Variants in TAOK3 observed in about 807,000 individuals in gnomAD.
TAOK3 encodes the protein TAO kinase 3.
In TAOK3, 40 loss-of-function variants were observed where a neutral mutation model predicts 120.4. That is an observed-to-expected ratio of 0.33 (90% CI 0.26 to 0.43). TAOK3 has a LOEUF of 0.43. TAOK3 is among the 20% of genes least tolerant of loss of function. The pLI is 1.00. For missense variants in TAOK3, 821 were observed against 1,112.1 expected, an observed-to-expected ratio of 0.74 and a Z score of 3.72; for synonymous variants, 355 against 387.5, an observed-to-expected ratio of 0.92 and a Z score of 0.99.
At chr12:118,305,771 G>C (rs745797087) in intron 1 of TAOK3, among the ~76,000 whole-genome samples, 1 of 151,798 alleles carries the variant, frequency 6.6e-6, no homozygotes, top group Non-Finnish European at 1.5e-5. Context: ...GGGTGTGGTG[G>C]CGGGTGCCTG....
chr12:118,319,562 A>T (rs1011120023), intron 1 of TAOK3, among the ~76,000 whole-genome samples: 18 of 152,314 alleles, frequency 1.2e-4, no homozygotes, highest in African/African-American at 3.8e-4. Flanking sequence ...CATTTACTCA[A>T]AGAAGATGTA....
At chr12:118,317,319 TA>T (rs2043510124) in intron 1 of TAOK3, among the ~76,000 whole-genome samples, 1 of 149,142 alleles carries the variant, frequency 6.7e-6, no homozygotes, top group Non-Finnish European at 1.5e-5. Flanking sequence ...TTTTTTTTTT[TA>T]GACAGTCTTG....
Position 118,337,811 on chromosome 12 carries a change from A to T in TAOK3, c.-194+34837T>A, listed in dbSNP as rs142531376. 2.0e-5 allele frequency among the ~76,000 whole-genome samples: 3 copies of T among 152,372 alleles called. No individual in the cohort carries two copies. In the East Asian group the frequency reaches 5.8e-4, roughly 29 times the overall value. On this transcript the variant is annotated intron_variant, in intron 1 of 20. Transcript: ENST00000392533. The stretch of plus-strand genomic sequence containing the variant: ...GTAGCTGTGATAATGTAGCCTCATG[A>T]TAACACTTCTTCAATCTTGACCATT...
chr12:118,292,360 T>C (rs1261635317), intron 1 of TAOK3, among the ~76,000 whole-genome samples: 1 of 152,218 alleles, frequency 6.6e-6, no homozygotes, highest in Non-Finnish European at 1.5e-5. Flanking sequence ...TCCATAAGCC[T>C]TTATCTTAGA....
chr12:118,278,064 C>A (rs1268547523), intron 1 of TAOK3, among the ~76,000 whole-genome samples: 2 of 152,042 alleles, frequency 1.3e-5, no homozygotes, highest in East Asian at 1.9e-4. Flanking sequence ...GCAAGTCAAA[C>A]CTGCCCCCAC....
intron 1 of TAOK3, among the ~76,000 whole-genome samples, chr12:118,267,019 T>C (rs976254474): frequency 8.5e-5 from 13 of 152,218 alleles, no homozygotes; most frequent in Non-Finnish European, 1.6e-4. Flanking sequence ...TTTGTTTGTG[T>C]CCAGGTAACT....
intron 1 of TAOK3, among the ~76,000 whole-genome samples, chr12:118,335,388 C>T (rs574476706): frequency 6.6e-6 from 1 of 151,938 alleles, no homozygotes; most frequent in East Asian, 1.9e-4. Context: ...AGAAATTGAC[C>T]GATTTCTCAA....
chr12:118,179,677 T>G (rs2036574357), intron 15 of TAOK3, among the ~76,000 whole-genome samples: 1 of 151,426 alleles, frequency 6.6e-6, no homozygotes, highest in African/African-American at 2.4e-5. Context: ...GGAGTCTTGT[T>G]CTTGTTGCCC....
chr12:118,362,193 T>A (rs1440143930), intron 1 of TAOK3, among the ~76,000 whole-genome samples: 2 of 152,086 alleles, frequency 1.3e-5, no homozygotes, highest in African/African-American at 2.4e-5. Flanking sequence ...CAAAAATCTT[T>A]GCTTTCATAG....
intron 9 of TAOK3, among the ~76,000 whole-genome samples, chr12:118,222,913 C>T (rs1412359080): frequency 1.3e-5 from 2 of 151,936 alleles, no homozygotes; most frequent in African/African-American, 2.4e-5. Context: ...ACCTGCACTA[C>T]AAAAGCTATT....
intron 1 of TAOK3, among the ~76,000 whole-genome samples, chr12:118,369,155 T>G (rs1253850106): frequency 6.6e-6 from 1 of 152,152 alleles, no homozygotes; most frequent in Non-Finnish European, 1.5e-5. Flanking sequence ...GCCACTGCAC[T>G]CCAACCTGGG....
At chr12:118,332,975 A>AACAC (rs146893418) in intron 1 of TAOK3, among the ~76,000 whole-genome samples, 77 of 149,750 alleles carry the variant, frequency 5.1e-4, no homozygotes, top group South Asian at 3.2e-3. Context: ...CAACAGTTTC[A>AACAC]ACACACACAC....
intron 17 of TAOK3, among the ~76,000 whole-genome samples, chr12:118,167,300 C>T (rs907563841): frequency 6.6e-6 from 1 of 152,002 alleles, no homozygotes; most frequent in South Asian, 2.1e-4. Context: ...GGAGTATAAA[C>T]TCCTTTAGAG....
At chr12:118,254,936 GT>G (rs2040917358) in intron 3 of TAOK3, among the ~76,000 whole-genome samples, 1 of 150,242 alleles carries the variant, frequency 6.7e-6, no homozygotes, top group Non-Finnish European at 1.5e-5. Flanking sequence ...TTTTTTTTTT[GT>G]ATTTTTAGTA....
intron 9 of TAOK3, among the ~76,000 whole-genome samples, chr12:118,218,782 C>T (rs1007924361): frequency 2.6e-5 from 4 of 152,018 alleles, no homozygotes; most frequent in East Asian, 1.9e-4. Flanking sequence ...GGTGAAACCC[C>T]GTCTCTACTA....
intron 5 of TAOK3, 36 bp downstream of exon 5, chr12:118,243,379 G>A: frequency 8.9e-7 from 1 of 1,121,880 alleles, no homozygotes; most frequent in Non-Finnish European, 1.3e-6. Context: ...AGAAAAAAAT[G>A]TAATAGTAAA....
At chr12:118,201,529 T>C in intron 11 of TAOK3, 66 bp from the exon 12 acceptor site, 2 of 1,381,128 alleles carry the variant, frequency 1.4e-6, no homozygotes, top group Non-Finnish European at 2.0e-6. Flanking sequence ...AAGGTACAGA[T>C]ATAAAAGGAA....
intron 3 of TAOK3, among the ~76,000 whole-genome samples, chr12:118,245,689 CT>C (rs2040462014): frequency 2.0e-5 from 3 of 152,064 alleles, no homozygotes. Context: ...TTTTGATAGG[CT>C]AAATAGACAT....
intron 1 of TAOK3, among the ~76,000 whole-genome samples, chr12:118,267,993 A>G (rs575512001): frequency 5.3e-5 from 8 of 152,104 alleles, no homozygotes; most frequent in African/African-American, 1.9e-4. Context: ...TTCTGCCTGC[A>G]TTTTTAAAAT....
Sources: allele counts gnomAD v4.1 joint callset (sites outside exome capture counted in the v4.1 genomes callset), GRCh38; gene constraint gnomAD v4.1.1; transcripts MANE v1.5; gene names NCBI Gene and HGNC (gene_info 2026-07-23, HGNC 2026-07-21).